Variants in TAFA5 observed in about 807,000 individuals in gnomAD.
TAFA5 encodes the protein TAFA chemokine like family member 5.
In TAFA5, 6 loss-of-function variants were observed where a neutral mutation model predicts 15.3. The ratio of observed to expected loss-of-function variants is 0.39; its 90% confidence interval spans 0.21 to 0.77. The LOEUF is 0.77. Among genes scored for constraint, TAFA5 ranks in the 30% least tolerant of loss-of-function variants. TAFA5 has a pLI of 0.41. For missense variants in TAFA5, 161 were observed against 193.1 expected, an observed-to-expected ratio of 0.83 and a Z score of 0.98; for synonymous variants, 103 against 80.7, an observed-to-expected ratio of 1.28 and a Z score of -1.48.
Position 48,489,719 on chromosome 22 carries a change from G to A in TAFA5, c.112+15G>A. 2.1e-6 allele frequency: 3 copies of A among 1,407,918 alleles called. No homozygotes were observed. The highest frequency in any genetic ancestry group is 1.5e-5 in the South Asian group (1 of 66,972). 87.2% of individuals were successfully genotyped at this position (1,407,918 alleles called of 1,614,324 possible). A position where few individuals can be genotyped will look rare whatever the true frequency, so the allele number is the denominator to read the frequency against. On this transcript the variant is annotated intron_variant, in intron 1 of 3. Coordinates refer to ENST00000402357, the MANE Select transcript of TAFA5 (RefSeq NM_001082967.3). The surrounding 1 kb of genome is among the most constrained non-coding windows in gnomAD (Gnocchi z 5.5). ...CGCCTACTGCAGTGAGTACCGCGCG[G>A]CCCCGGCCCCGGCACGGCCCTCTGG...
intron 2 of TAFA5, among the ~76,000 whole-genome samples, chr22:48,684,388 G>C (rs1928290190): frequency 6.6e-6 from 1 of 152,098 alleles, no homozygotes; most frequent in Non-Finnish European, 1.5e-5. Flanking sequence ...CCTTCCCAGG[G>C]AAGGGCGATG....
chr22:48,708,893 C>T (rs759355733), intron 3 of TAFA5, among the ~76,000 whole-genome samples: 1 of 152,202 alleles, frequency 6.6e-6, no homozygotes. Flanking sequence ...AGAGAGGGCT[C>T]GGCTGGGCTG....
intron 1 of TAFA5, among the ~76,000 whole-genome samples, chr22:48,509,876 G>A (rs973077559): frequency 5.3e-5 from 8 of 151,602 alleles, no homozygotes; most frequent in African/African-American, 1.5e-4. Flanking sequence ...GCGTGAACCC[G>A]GGAGGCGGAG....
intron 1 of TAFA5, chr22:48,544,996 C>G (rs1001934166): frequency 2.4e-6 from 1 of 417,528 alleles, no homozygotes; most frequent in East Asian, 7.2e-5. Context: ...TCCTTTGCTG[C>G]GTGGTGGGAG....
intron 3 of TAFA5, among the ~76,000 whole-genome samples, chr22:48,717,958 G>A (rs113609893): frequency 4.5e-4 from 68 of 152,356 alleles, no homozygotes; most frequent in African/African-American, 1.4e-3. Flanking sequence ...CCCGGGAGCC[G>A]TCTGTCCTGC....
chr22:48,629,807 G>A (rs999618229), intron 1 of TAFA5, among the ~76,000 whole-genome samples: 5 of 152,194 alleles, frequency 3.3e-5, no homozygotes, highest in Non-Finnish European at 5.9e-5. Flanking sequence ...TGTCCACATC[G>A]CCTCTGCAGG....
Position 48,579,755 on chromosome 22 carries a change from G to A in TAFA5, c.113-66842G>A, listed in dbSNP as rs113913264. ...GTGTGGAAGCTTAATGTAAACAGAA[G>A]GATAGGAAAATACTTCAAAGAGGAA... On this transcript the variant is annotated intron_variant, in intron 1 of 3. Coordinates refer to ENST00000402357, the MANE Select transcript of TAFA5 (RefSeq NM_001082967.3). Among the ~76,000 whole-genome samples, 20 of 152,342 alleles carry A rather than the reference G, an allele frequency of 1.3e-4. No homozygotes were observed. The East Asian group carries it at 1.9e-3, about 15-fold the overall frequency.
chr22:48,591,845 C>A (rs577433191), intron 1 of TAFA5, among the ~76,000 whole-genome samples: 2 of 152,328 alleles, frequency 1.3e-5, no homozygotes, highest in South Asian at 4.1e-4. Context: ...CCCTCCCGAC[C>A]TCCCCCACGG....
At chr22:48,592,654 C>T (rs1924613816) in intron 1 of TAFA5, among the ~76,000 whole-genome samples, 1 of 152,014 alleles carries the variant, frequency 6.6e-6, no homozygotes, top group African/African-American at 2.4e-5. Flanking sequence ...TCCCTCCCTC[C>T]CTCCCTCCCT....
At chr22:48,602,299 C>G (rs188593668) in intron 1 of TAFA5, among the ~76,000 whole-genome samples, 205 of 152,358 alleles carry the variant, frequency 1.3e-3, no homozygotes, top group African/African-American at 4.8e-3. Context: ...GGCCACCCCC[C>G]CACAAGCACA....
intron 2 of TAFA5, among the ~76,000 whole-genome samples, chr22:48,698,846 C>T (rs1928811301): frequency 6.6e-6 from 1 of 151,362 alleles, no homozygotes; most frequent in African/African-American, 2.4e-5. Flanking sequence ...CCAGCCTGGC[C>T]CTGCAACAAG....
At position 48,751,503 on chromosome 22, in the gene TAFA5, AATAACT is replaced by A. The variant is rs1569105918; in HGVS notation, c.*1660_*1665del. 2 of 152,466 alleles carry A rather than the reference AATAACT, an allele frequency of 1.3e-5. No homozygotes were observed. Among genetic ancestry groups the A allele is most frequent in the African/African-American group, 4.8e-5 (2 of 41,480 alleles). 9.4% of individuals were successfully genotyped at this position (152,466 alleles called of 1,614,324 possible). ...TATCCTACTAAAAAAAACGTAAAAA[AATAACT>A]ATATAGAAGCTGTTCCAGCAACCAT... is the stretch of plus-strand genomic sequence containing the variant. On this transcript the variant is annotated 3_prime_UTR_variant, in exon 4 of 4. Coordinates refer to ENST00000402357, the MANE Select transcript of TAFA5 (RefSeq NM_001082967.3).
chr22:48,522,497 T>C (rs1921638100), intron 1 of TAFA5, among the ~76,000 whole-genome samples: 1 of 151,916 alleles, frequency 6.6e-6, no homozygotes, highest in Non-Finnish European at 1.5e-5. Flanking sequence ...GGGGCAGTGG[T>C]TGTGACTCTA....
chr22:48,736,654 C>T (rs1930037809), intron 3 of TAFA5, among the ~76,000 whole-genome samples: 1 of 152,238 alleles, frequency 6.6e-6, no homozygotes, highest in Admixed American at 6.5e-5. Context: ...ATTATTCAGC[C>T]TTAAAAAGGA....
At chr22:48,605,435 G>GTGATGGTGATGGTAATGA (rs1925155081) in intron 1 of TAFA5, among the ~76,000 whole-genome samples, 26 of 61,600 alleles carry the variant, frequency 4.2e-4, no homozygotes, top group South Asian at 1.7e-3. Flanking sequence ...GGTGGTGGTG[G>GTGATGGTGATGGTAATGA]TGGTGGTGGT....
At chr22:48,586,752 T>G (rs537414421) in intron 1 of TAFA5, among the ~76,000 whole-genome samples, 3 of 152,322 alleles carry the variant, frequency 2.0e-5, no homozygotes, top group Admixed American at 2.0e-4. Flanking sequence ...CAGTCTGGAA[T>G]CTTCCATGCA....
chr22:48,523,487 G>A (rs924241950), intron 1 of TAFA5, among the ~76,000 whole-genome samples: 5 of 152,308 alleles, frequency 3.3e-5, no homozygotes, highest in East Asian at 3.9e-4. Flanking sequence ...GATGGAAAAC[G>A]TTGGGCCTCT....
rs372370755 is a variant in TAFA5 at position 48,613,102 on chromosome 22, G to GT, written c.113-33493dup. On this transcript the variant is annotated intron_variant, in intron 1 of 3. Transcript: ENST00000402357. Reference sequence around the variant, plus strand: ...GGTGCAGCCCGGCCATTTCCAGACGGTTCCTGTGCTCGGGAATATGCTAAC... The same window carrying GT: ...GGTGCAGCCCGGCCATTTCCAGACGGTTTCCTGTGCTCGGGAATATGCTAAC... Among the ~76,000 whole-genome samples the GT allele has an allele frequency of 1.1e-4, 16 of 152,304 alleles. No homozygotes were observed. In the East Asian group the frequency reaches 2.9e-3, roughly 28 times the overall value.
chr22:48,705,074 T>C (rs1373550670), intron 2 of TAFA5, among the ~76,000 whole-genome samples: 4 of 152,154 alleles, frequency 2.6e-5, no homozygotes, highest in African/African-American at 9.7e-5. Flanking sequence ...CCCACACTCA[T>C]GGCCTCATCT....
Sources: gnomAD v4.1 joint callset for allele counts (sites outside exome capture counted in the v4.1 genomes callset) on GRCh38, gnomAD v4.1.1 for gene constraint, Gnocchi (gnomAD v3.1) non-coding constraint, MANE v1.5 for transcripts, NCBI Gene and HGNC (gene_info 2026-07-23, HGNC 2026-07-21) for gene names.